The following FGGY variants were observed in gnomAD, a reference collection of about 807,000 sequenced individuals.
FGGY encodes the protein FGGY carbohydrate kinase domain containing.
In FGGY, 72 loss-of-function variants were observed where a neutral mutation model predicts 71.3. The observed-to-expected ratio is 1.01, with a 90% CI of 0.84 to 1.23. The LOEUF (loss-of-function observed/expected upper bound fraction) is 1.23, where lower values mean the gene tolerates loss of function less well. FGGY is among the 50% of genes most tolerant of loss of function. The pLI, the probability that FGGY is intolerant of heterozygous loss-of-function variation, is 0.00. For synonymous variants in FGGY, 251 were observed against 250.3 expected (o/e 1.00, Z -0.02); for missense variants, 668 against 682.3 (o/e 0.98, Z 0.23).
At chr1:59,366,453 C>T (rs1463017658) in intron 4 of FGGY, among the ~76,000 whole-genome samples, 1 of 152,022 alleles carries the variant, frequency 6.6e-6, no homozygotes, top group Non-Finnish European at 1.5e-5. Flanking sequence ...AGAAAAGCCT[C>T]CCCAGGTCCC....
chr1:59,407,268 C>G (rs1292928814), intron 5 of FGGY, among the ~76,000 whole-genome samples: 3 of 152,166 alleles, frequency 2.0e-5, no homozygotes, highest in African/African-American at 4.8e-5. Context: ...CTCTGAGTTT[C>G]TTCCCTGTCC....
rs1570600354 is a variant in FGGY, at chr1:59,338,234, C to T, written c.202-1724C>T. On this transcript the variant is annotated intron_variant, in intron 2 of 15. Transcript: ENST00000303721. ...GAAAGTTTTACATGCTGGAAGATTTCGTTTGTTAATATTTTGTTAAGGATT... is the reference window on the plus strand; with the variant it reads ...GAAAGTTTTACATGCTGGAAGATTTTGTTTGTTAATATTTTGTTAAGGATT... 2.6e-5 allele frequency among the ~76,000 whole-genome samples: 4 copies of T among 152,034 alleles called. No individual in the cohort carries two copies. In the South Asian group the frequency reaches 8.3e-4, roughly 32 times the overall value.
At chr1:59,455,447 A>G (rs759548317) in intron 5 of FGGY, among the ~76,000 whole-genome samples, 5 of 152,224 alleles carry the variant, frequency 3.3e-5, no homozygotes, top group Non-Finnish European at 5.9e-5. Flanking sequence ...GTATTGCAGA[A>G]TGAGAAGGCA....
intron 6 of FGGY, among the ~76,000 whole-genome samples, chr1:59,493,723 G>A (rs993355824): frequency 6.6e-6 from 1 of 152,142 alleles, no homozygotes; most frequent in South Asian, 2.1e-4. Flanking sequence ...TGGTTGTAAT[G>A]ATTTCATGAT....
chr1:59,425,551 G>A (rs750869811), intron 5 of FGGY, among the ~76,000 whole-genome samples: 2 of 152,180 alleles, frequency 1.3e-5, no homozygotes, highest in African/African-American at 2.4e-5. Flanking sequence ...TACTCTTCCA[G>A]TGACAAACCG....
chr1:59,433,724 G>A (rs1327220438), intron 5 of FGGY, among the ~76,000 whole-genome samples: 1 of 152,150 alleles, frequency 6.6e-6, no homozygotes, highest in Admixed American at 6.5e-5. Flanking sequence ...AACTCTGTTG[G>A]AAACTCAAGT....
intron 14 of FGGY, among the ~76,000 whole-genome samples, chr1:59,750,302 T>A (rs1384750921): frequency 6.6e-6 from 1 of 150,964 alleles, no homozygotes; most frequent in African/African-American, 2.5e-5. Context: ...CGTCTAAAAA[T>A]TTTTTTTTCT....
At chr1:59,461,817 A>AT (rs558220304) in intron 6 of FGGY, among the ~76,000 whole-genome samples, 7 of 151,682 alleles carry the variant, frequency 4.6e-5, no homozygotes, top group African/African-American at 1.7e-4. Context: ...ATTGTATTTT[A>AT]TTTTTTTCTT....
chr1:59,456,225 T>C (rs558428765), intron 5 of FGGY, among the ~76,000 whole-genome samples: 1 of 152,326 alleles, frequency 6.6e-6, no homozygotes, highest in South Asian at 2.1e-4. Flanking sequence ...CCAGATACCA[T>C]GTATCTTATA....
chr1:59,395,708 T>G (rs2153390311), intron 5 of FGGY, among the ~76,000 whole-genome samples: 1 of 152,288 alleles, frequency 6.6e-6, no homozygotes, highest in Admixed American at 6.5e-5. Context: ...AATATTCTTA[T>G]GTTATATGTA....
intron 4 of FGGY, among the ~76,000 whole-genome samples, chr1:59,375,693 T>C (rs371151336): frequency 6.6e-6 from 1 of 152,128 alleles, no homozygotes; most frequent in South Asian, 2.1e-4. Flanking sequence ...TAGTGTGGTC[T>C]CAAAAAGAAA....
intron 2 of FGGY, among the ~76,000 whole-genome samples, chr1:59,329,886 T>G (rs2048137322): frequency 6.6e-6 from 1 of 152,232 alleles, no homozygotes; most frequent in East Asian, 1.9e-4. Context: ...TGGTGGCTAT[T>G]ATACTGAACA....
chr1:59,518,898 A>T (rs1190300174), intron 7 of FGGY, among the ~76,000 whole-genome samples: 1 of 152,204 alleles, frequency 6.6e-6, no homozygotes, highest in Non-Finnish European at 1.5e-5. Context: ...TACAAAACAC[A>T]TCTATGTTCA....
chr1:59,436,392 C>CA (rs1317770865), intron 5 of FGGY, among the ~76,000 whole-genome samples: 2 of 152,090 alleles, frequency 1.3e-5, no homozygotes, highest in Non-Finnish European at 2.9e-5. Context: ...AGAACCCCCT[C>CA]AAGTGCCCCT....
intron 8 of FGGY, among the ~76,000 whole-genome samples, chr1:59,594,090 A>T (rs917122219): frequency 4.6e-5 from 7 of 152,110 alleles, no homozygotes; most frequent in African/African-American, 1.7e-4. Context: ...CCTTCAACCC[A>T]CTAGGGACAC....
chr1:59,588,086 A>C (rs370229977), intron 8 of FGGY, among the ~76,000 whole-genome samples: 2 of 152,304 alleles, frequency 1.3e-5, no homozygotes, highest in African/African-American at 4.8e-5. Flanking sequence ...AACCAATACA[A>C]AGAAGTGCTT....
At chr1:59,504,939 CGTT>C (rs574519555) in intron 6 of FGGY, among the ~76,000 whole-genome samples, 435 of 152,208 alleles carry the variant, frequency 2.9e-3, no homozygotes, top group African/African-American at 0.01. Flanking sequence ...ACACTGCTGA[CGTT>C]GTGCTGAGGG....
chr1:59,354,549 A>T (rs1570876461), intron 4 of FGGY, among the ~76,000 whole-genome samples: 1 of 152,230 alleles, frequency 6.6e-6, no homozygotes, highest in East Asian at 1.9e-4. Context: ...TTTGCTTTGC[A>T]GGCTTTGCAT....
At chr1:59,432,826 G>C (rs2067656520) in intron 5 of FGGY, among the ~76,000 whole-genome samples, 1 of 152,176 alleles carries the variant, frequency 6.6e-6, no homozygotes, top group African/African-American at 2.4e-5. Context: ...TTTCAGAAGA[G>C]ATTGAAAGGC....
Sources: allele counts gnomAD v4.1 joint callset (sites outside exome capture counted in the v4.1 genomes callset), GRCh38; gene constraint gnomAD v4.1.1; transcripts MANE v1.5; gene names NCBI Gene and HGNC (gene_info 2026-07-23, HGNC 2026-07-21).